The following GTF3C5 variants were observed in gnomAD, a reference collection of about 807,000 sequenced individuals.
GTF3C5 encodes the protein general transcription factor 3C polypeptide 5.
In GTF3C5, 47 loss-of-function variants were observed where a neutral mutation model predicts 61.0. The observed-to-expected ratio is 0.77, with a 90% CI of 0.61 to 0.98. The LOEUF is 0.98. Ranked by LOEUF, GTF3C5 falls within the 50% of genes least tolerant of loss-of-function variation. GTF3C5 has a pLI of 0.00. For missense variants in GTF3C5, 659 were observed against 703.3 expected (o/e 0.94, Z 0.71); for synonymous variants, 295 against 275.4 (o/e 1.07, Z -0.71).
rs943881685 is a variant in GTF3C5 at position 133,041,471 on chromosome 9, C to G, written c.154-616C>G. Among the ~76,000 whole-genome samples the G allele has an allele frequency of 2.3e-5, 3 of 131,860 alleles. No homozygotes were observed. The East Asian group carries it at 5.8e-4, about 25-fold the overall frequency. The allele number at this position is 131,860 out of a possible 152,430, so 86.5% of individuals were successfully genotyped here. A position where few individuals can be genotyped will look rare whatever the true frequency, so the allele number is the denominator to read the frequency against. On this transcript the variant is annotated intron_variant, in intron 1 of 10. Transcript: ENST00000372097. Reference sequence around the variant, plus strand: ...GCATAAGCTGTCTCTCTCTCTCCCTCTCTGTCTGCCTCGGCTGCCAGGCAG... The same window carrying G: ...GCATAAGCTGTCTCTCTCTCTCCCTGTCTGTCTGCCTCGGCTGCCAGGCAG...
At chr9:133,055,030 C>T (rs1240365570) in intron 8 of GTF3C5, 1 of 1,551,552 alleles carries the variant, frequency 6.4e-7, no homozygotes, top group Non-Finnish European at 8.7e-7. Context: ...GAGGTGGTGA[C>T]AAGTCTCAGG....
chr9:133,055,911 C>G, intron 8 of GTF3C5, 101 bp from the exon 9 acceptor site: 2 of 1,529,104 alleles, frequency 1.3e-6, no homozygotes, highest in South Asian at 2.5e-5. Context: ...GACCAGCCAG[C>G]TCCCTGGAGA....
At chr9:133,049,820 T>G (rs1850316839) in intron 3 of GTF3C5, among the ~76,000 whole-genome samples, 2 of 152,076 alleles carry the variant, frequency 1.3e-5, no homozygotes, top group African/African-American at 4.8e-5. Flanking sequence ...CACAGCAAAA[T>G]AAGGCGCAGC....
At chr9:133,036,665 A>G (rs1283450400) in intron 1 of GTF3C5, among the ~76,000 whole-genome samples, 1 of 152,174 alleles carries the variant, frequency 6.6e-6, no homozygotes, top group Non-Finnish European at 1.5e-5. Context: ...ATTTCTTCAG[A>G]GGTCCACAGA....
Position 133,054,414 on chromosome 9 carries a change from C to T in GTF3C5, c.995C>T (p.Ala332Val), listed in dbSNP as rs1829861515. The T allele has an allele frequency of 6.2e-7, 1 of 1,613,976 alleles. No homozygotes were observed. Among genetic ancestry groups the T allele is most frequent in the Non-Finnish European group, 8.5e-7 (1 of 1,179,894 alleles). Residue 332 changes from alanine (A) to valine (V), a missense_variant, in exon 7 of 11, where the codon GCC becomes GTC. Transcript: ENST00000372097. ...TGCCCGCCCTCGCCTACAGGTTACGCCCCCAGTGACTTGCCGGTCAAAGCA... is the reference window on the plus strand; with the variant it reads ...TGCCCGCCCTCGCCTACAGGTTACGTCCCCAGTGACTTGCCGGTCAAAGCA... ...RIRCGMKHGY[A>V]PSDLPVKAKR...
rs1017556590 is a variant in GTF3C5, at chr9:133,058,132, C to T, written c.*152C>T. 1 of 1,474,610 alleles carries T rather than the reference C, an allele frequency of 6.8e-7. No homozygotes were observed. Among genetic ancestry groups the T allele is most frequent in the Non-Finnish European group, 9.0e-7 (1 of 1,115,144 alleles). The allele number at this position is 1,474,610 out of a possible 1,614,324, so 91.3% of individuals were successfully genotyped here. On this transcript the variant is annotated 3_prime_UTR_variant, in exon 11 of 11. Transcript: ENST00000372097. ...AGTCCCAGCAAAGGGTGCAGCTGAC[C>T]CTAGCACTGGCTGTGACATGCTGCT... is the stretch of plus-strand genomic sequence containing the variant.
chr9:133,048,496 CA>C (rs1850271763), intron 3 of GTF3C5, among the ~76,000 whole-genome samples: 1 of 152,074 alleles, frequency 6.6e-6, no homozygotes, highest in Non-Finnish European at 1.5e-5. Context: ...CACCCCATCT[CA>C]AAAAATAATA....
chr9:133,045,277 C>G (rs1850167195), intron 3 of GTF3C5, among the ~76,000 whole-genome samples: 1 of 152,192 alleles, frequency 6.6e-6, no homozygotes. Context: ...GTTCCTGACA[C>G]CCCCATCGTA....
Position 133,043,782 on chromosome 9 carries a change from C to T in GTF3C5, c.428C>T (p.Thr143Met), listed in dbSNP as rs746171889. Reference protein sequence around the residue: ...AVHTEAGGKHTSMYDKVLMLR... With the variant: ...AVHTEAGGKHMSMYDKVLMLR... ...CATACGGAAGCAGGCGGCAAGCATA[C>T]GTCAATGTATGACAAGGTGCTCATG... Residue 143 changes from threonine to methionine, a missense_variant, in exon 3 of 11, where the codon ACG becomes ATG. Physicochemically the swap from Thr to Met is moderately conservative, Grantham distance 81. Coordinates refer to ENST00000372097, the MANE Select transcript of GTF3C5 (RefSeq NM_012087.4). The T allele has an allele frequency of 1.5e-5, 25 of 1,614,144 alleles. No homozygotes were observed. Among genetic ancestry groups the T allele is most frequent in the East Asian group, 4.5e-5 (2 of 44,876 alleles).
upstream of GTF3C5, chr9:133,030,767 C>A (rs934392248): frequency 4.3e-5 from 26 of 611,488 alleles, no homozygotes; most frequent in African/African-American, 4.6e-4. Flanking sequence ...TTGCCCCGCC[C>A]GGTGGACTAA....
intron 2 of GTF3C5, among the ~76,000 whole-genome samples, chr9:133,043,157 T>C (rs954359150): frequency 1.3e-5 from 2 of 152,134 alleles, no homozygotes; most frequent in South Asian, 4.1e-4. Flanking sequence ...TGGGGTCCCA[T>C]GGGTTGGGCA....
intron 1 of GTF3C5, among the ~76,000 whole-genome samples, chr9:133,037,522 TG>T (rs55843341): frequency 0.033 from 4,957 of 152,120 alleles, 97 homozygotes; most frequent in East Asian, 0.066. Flanking sequence ...ATATGTATGG[TG>T]GGGGGGTGGG....
intron 8 of GTF3C5, 62 bp downstream of exon 8, chr9:133,054,871 G>A (rs1223275761): frequency 6.5e-7 from 1 of 1,539,632 alleles, no homozygotes; most frequent in South Asian, 1.2e-5. Flanking sequence ...CGGGCACCTT[G>A]TGGGTGACAC....
chr9:133,051,951 C>G, intron 4 of GTF3C5, 109 bp from the exon 5 acceptor site: 1 of 584,038 alleles, frequency 1.7e-6, no homozygotes, highest in Non-Finnish European at 3.1e-6. Context: ...CTGTCCTCTA[C>G]CAGCTCCTCT....
intron 1 of GTF3C5, among the ~76,000 whole-genome samples, chr9:133,038,764 G>T (rs77087528): frequency 6.6e-6 from 1 of 151,958 alleles, no homozygotes; most frequent in Non-Finnish European, 1.5e-5. Context: ...GCTCCTAGGG[G>T]CTTTTTTTTC....
Position 133,052,120 on chromosome 9 carries a change from C to G in GTF3C5, c.829C>G (p.Pro277Ala), listed in dbSNP as rs377015386. 1.2e-5 allele frequency: 19 copies of G among 1,609,018 alleles called. No individual in the cohort carries two copies. Among genetic ancestry groups the G allele is most frequent in the Non-Finnish European group, 1.5e-5 (18 of 1,177,020 alleles). ...NAVKANISVHPDKLKVLLPFI... is the reference protein window; with the variant it reads ...NAVKANISVHADKLKVLLPFI... ...TGTCAAGGCCAACATCAGCGTCCACCCAGACAAGCTCAAGGTCTTGCTTCC... is the reference window on the plus strand; with the variant it reads ...TGTCAAGGCCAACATCAGCGTCCACGCAGACAAGCTCAAGGTCTTGCTTCC... The change falls in exon 5 of 11, where the codon CCA (proline) becomes GCA (alanine). Residue 277 changes from proline (P) to alanine (A), a missense_variant. Coordinates refer to ENST00000372097, the MANE Select transcript of GTF3C5 (RefSeq NM_012087.4).
chr9:133,031,008 A>G lies in GTF3C5; in HGVS notation c.-4A>G, dbSNP rs761598447. On this transcript the variant is annotated 5_prime_UTR_variant, in exon 1 of 11. Coordinates refer to ENST00000372097, the MANE Select transcript of GTF3C5 (RefSeq NM_012087.4). The stretch of plus-strand genomic sequence containing the variant: ...CCCTGGCGGGCCCTGCCAGACGCAC[A>G]GGGATGGCGGCGGAGGCGGCCGATT... 3.7e-6 allele frequency: 6 copies of G among 1,612,236 alleles called. No individual in the cohort carries two copies. In the Admixed American group the frequency reaches 5.0e-5, roughly 13 times the overall value.
intron 1 of GTF3C5, among the ~76,000 whole-genome samples, chr9:133,036,747 T>A (rs1156948953): frequency 6.6e-6 from 1 of 152,158 alleles, no homozygotes. Context: ...AGTCAATCCG[T>A]AAGCGGCAAT....
At chr9:133,041,882 G>C (rs1266571464) in intron 1 of GTF3C5, among the ~76,000 whole-genome samples, 6 of 152,198 alleles carry the variant, frequency 3.9e-5, no homozygotes, top group Admixed American at 6.5e-5. Flanking sequence ...GAAGGAAGGA[G>C]ACGATTCTCA....
Sources: gnomAD v4.1 joint callset for allele counts (sites outside exome capture counted in the v4.1 genomes callset) on GRCh38, gnomAD v4.1.1 for gene constraint, MANE v1.5 for transcripts, NCBI Gene and HGNC (gene_info 2026-07-23, HGNC 2026-07-21) for gene names.